Variants in PDE8A observed in about 807,000 individuals in gnomAD.
PDE8A encodes high affinity cAMP-specific and IBMX-insensitive 3',5'-cyclic phosphodiesterase 8A.
In PDE8A, 59 loss-of-function variants were observed where a neutral mutation model predicts 105.0. The observed-to-expected ratio is 0.56, with a 90% CI of 0.46 to 0.70. The LOEUF is 0.70. Ranked by LOEUF, PDE8A falls within the 30% of genes least tolerant of loss-of-function variation. The probability of loss-of-function intolerance (pLI) is 0.00; values close to 1 mark genes in which losing one functional copy is unlikely to be tolerated. For missense variants in PDE8A, 1,014 were observed against 1,045.9 expected, an observed-to-expected ratio of 0.97 and a Z score of 0.42; for synonymous variants, 355 against 371.9, an observed-to-expected ratio of 0.95 and a Z score of 0.52.
intron 6 of PDE8A, among the ~76,000 whole-genome samples, chr15:85,086,400 A>G (rs900887409): frequency 3.9e-5 from 6 of 152,240 alleles, no homozygotes; most frequent in African/African-American, 1.4e-4. Flanking sequence ...ACAAATGACT[A>G]ACTGGGAAAA....
At chr15:85,003,240 C>T (rs546559134) in intron 1 of PDE8A, among the ~76,000 whole-genome samples, 182 of 152,302 alleles carry the variant, frequency 1.2e-3, no homozygotes, top group African/African-American at 4.2e-3. Flanking sequence ...CTTTCCCTGT[C>T]ATTGGTGCCA....
rs1047935963 is a variant in PDE8A at position 85,065,034 on chromosome 15, T to G, written c.243+608T>G. Reference sequence around the variant, plus strand: ...TAAAAAATGTGTATAATTGTATGTATGTACATGTATGTGTTTAGAGAGAGA... The same window carrying G: ...TAAAAAATGTGTATAATTGTATGTAGGTACATGTATGTGTTTAGAGAGAGA... On this transcript the variant is annotated intron_variant, in intron 2 of 21. Coordinates refer to ENST00000394553, the MANE Select transcript of PDE8A (RefSeq NM_002605.3). Among the ~76,000 whole-genome samples the G allele has an allele frequency of 5.3e-5, 8 of 152,066 alleles. No homozygotes were observed. The South Asian group carries it at 6.2e-4, about 12-fold the overall frequency.
chr15:85,065,790 T>G (rs1163323645), intron 2 of PDE8A, among the ~76,000 whole-genome samples: 1 of 152,152 alleles, frequency 6.6e-6, no homozygotes, highest in Non-Finnish European at 1.5e-5. Flanking sequence ...TGAACCAGAT[T>G]GGGAGTGGGA....
chr15:85,048,659 A>G (rs2080923875), intron 1 of PDE8A, among the ~76,000 whole-genome samples: 1 of 152,214 alleles, frequency 6.6e-6, no homozygotes, highest in East Asian at 1.9e-4. Context: ...TCATTGCTTT[A>G]AACTTGTTCA....
chr15:85,134,407 T>G (rs1446176651), intron 20 of PDE8A, among the ~76,000 whole-genome samples: 1 of 152,114 alleles, frequency 6.6e-6, no homozygotes, highest in Non-Finnish European at 1.5e-5. Context: ...CCCAAGGCCC[T>G]CCCTGCGCCC....
intron 16 of PDE8A, 93 bp downstream of exon 16, chr15:85,116,212 G>A (rs111964146): frequency 2.2e-6 from 3 of 1,348,972 alleles, no homozygotes; most frequent in Middle Eastern, 2.0e-4. Flanking sequence ...GCACAAGCCT[G>A]GTACCTGGTC....
intron 6 of PDE8A, among the ~76,000 whole-genome samples, chr15:85,086,708 A>G (rs2081558485): frequency 6.6e-6 from 1 of 152,116 alleles, no homozygotes; most frequent in African/African-American, 2.4e-5. Context: ...AGCTTGTTAT[A>G]TTGGAGGTGA....
Position 85,097,926 on chromosome 15 carries a change from G to A in PDE8A, c.853-22G>A, listed in dbSNP as rs143999285. The A allele has an allele frequency of 5.4e-5, 69 of 1,284,902 alleles. No homozygotes were observed. The African/African-American group carries it at 8.0e-4, about 15-fold the overall frequency. 79.6% of individuals were successfully genotyped at this position (1,284,902 alleles called of 1,614,324 possible). ...TTATGTTTTCAACACAAAGTATGAC[G>A]ATGCTTACATTCCATTTATAGGAGT... On this transcript the variant is annotated intron_variant, in intron 8 of 21. Transcript: ENST00000394553.
chr15:85,099,705 T>A (rs1171987490), intron 9 of PDE8A: 3 of 334,694 alleles, frequency 9.0e-6, no homozygotes, highest in Admixed American at 4.6e-5. Context: ...AATAAAAACA[T>A]GTTAAGGAAC....
intron 1 of PDE8A, among the ~76,000 whole-genome samples, chr15:85,034,849 C>G (rs1455336832): frequency 6.6e-6 from 1 of 152,044 alleles, no homozygotes; most frequent in Non-Finnish European, 1.5e-5. Flanking sequence ...TGAAACCTGG[C>G]CCAGAAATAT....
intron 11 of PDE8A, among the ~76,000 whole-genome samples, chr15:85,107,522 G>A (rs2081964550): frequency 6.6e-6 from 1 of 152,168 alleles, no homozygotes; most frequent in Non-Finnish European, 1.5e-5. Flanking sequence ...GCTTGGACAG[G>A]GATAGAGCAG....
At chr15:84,983,584 C>T (rs896316967) in intron 1 of PDE8A, among the ~76,000 whole-genome samples, 1 of 152,204 alleles carries the variant, frequency 6.6e-6, no homozygotes, top group African/African-American at 2.4e-5. Flanking sequence ...TGAATTCCTT[C>T]TCCTATAGAT....
chr15:85,019,464 G>A (rs900278220), intron 1 of PDE8A, among the ~76,000 whole-genome samples: 2 of 152,144 alleles, frequency 1.3e-5, no homozygotes, highest in South Asian at 4.1e-4. Context: ...GTGTTGCCCA[G>A]GCTGGACTAG....
intron 8 of PDE8A, among the ~76,000 whole-genome samples, 182 bp downstream of exon 8, chr15:85,091,363 A>G (rs1476590761): frequency 6.6e-6 from 1 of 152,244 alleles, no homozygotes; most frequent in Non-Finnish European, 1.5e-5. Flanking sequence ...AAGAAAATAT[A>G]TAATATGATT....
chr15:85,117,868 A>T, intron 17 of PDE8A, 29 bp downstream of exon 17: 1 of 1,541,546 alleles, frequency 6.5e-7, no homozygotes, highest in Non-Finnish European at 9.0e-7. Flanking sequence ...GCCACATTTA[A>T]TGGGCAGGAG....
chr15:85,048,254 C>G (rs868213708), intron 1 of PDE8A, among the ~76,000 whole-genome samples: 71 of 152,006 alleles, frequency 4.7e-4, no homozygotes, highest in African/African-American at 1.7e-3. Flanking sequence ...AAAAACTGTA[C>G]AGTTTTTACT....
chr15:85,116,023 C>G lies in PDE8A; in HGVS notation c.1439C>G (p.Ser480Cys), dbSNP rs780460516. Residue 480 changes from serine to cysteine, a missense_variant, in exon 16 of 22, where the codon TCC becomes TGC. Ser to Cys is a moderately radical substitution (Grantham distance 112). Transcript: ENST00000394553. ...MVSSNIITPI[S>C]LDDVPPRIAR... Reference sequence around the variant, plus strand: ...TCAAGCAATATAATCACTCCCATCTCCCTTGATGATGTCCCACCACGGATA... The same window carrying G: ...TCAAGCAATATAATCACTCCCATCTGCCTTGATGATGTCCCACCACGGATA... The G allele has an allele frequency of 1.7e-5, 27 of 1,613,308 alleles. No individual in the cohort carries two copies. Among genetic ancestry groups the G allele is most frequent in the Non-Finnish European group, 2.3e-5 (27 of 1,179,254 alleles).
At chr15:85,007,978 A>G (rs2080176182) in intron 1 of PDE8A, among the ~76,000 whole-genome samples, 1 of 152,112 alleles carries the variant, frequency 6.6e-6, no homozygotes, top group Non-Finnish European at 1.5e-5. Context: ...TTGTGTTGCC[A>G]TATGAACCTT....
chr15:85,024,201 C>T (rs1001564756), intron 1 of PDE8A, among the ~76,000 whole-genome samples: 32 of 151,780 alleles, frequency 2.1e-4, no homozygotes, highest in African/African-American at 7.7e-4. Context: ...TTATGCTTAT[C>T]TCTAACTTAG....
Sources: gnomAD v4.1 joint callset for allele counts (sites outside exome capture counted in the v4.1 genomes callset) on GRCh38, gnomAD v4.1.1 for gene constraint, MANE v1.5 for transcripts, NCBI Gene and HGNC (gene_info 2026-07-23, HGNC 2026-07-21) for gene names.